TRABD2B: variants seen among roughly 807,000 people sequenced by gnomAD.
TRABD2B encodes the protein metalloprotease TIKI2.
TRABD2B carries 14 observed loss-of-function variants against 40.1 expected under a neutral mutation model. The ratio of observed to expected loss-of-function variants is 0.35; its 90% CI spans 0.23 to 0.55. The LOEUF (loss-of-function observed/expected upper bound fraction) is 0.55, where lower values mean the gene tolerates loss of function less well. Ranked by LOEUF, TRABD2B falls within the 20% of genes least tolerant of loss-of-function variation. The probability of loss-of-function intolerance (pLI) is 0.90; values close to 1 mark genes in which losing one functional copy is unlikely to be tolerated. For synonymous variants in TRABD2B, 263 were observed against 277.0 expected, an observed-to-expected ratio of 0.95 and a Z score of 0.50; for missense variants, 541 against 648.6, an observed-to-expected ratio of 0.83 and a Z score of 1.80.
intron 4 of TRABD2B, among the ~76,000 whole-genome samples, chr1:47,790,705 C>T (rs768572753): frequency 2.0e-4 from 31 of 152,336 alleles, no homozygotes; most frequent in African/African-American, 6.7e-4. Context: ...TTGAGGAAGC[C>T]GTTCATCTTC....
At chr1:47,766,693 G>A (rs1209236931) in intron 6 of TRABD2B, among the ~76,000 whole-genome samples, 1 of 152,204 alleles carries the variant, frequency 6.6e-6, no homozygotes, top group Non-Finnish European at 1.5e-5. Context: ...GGCTCAGAGA[G>A]GCTGTGTGGT....
At chr1:47,944,194 G>A (rs1645228305) in intron 2 of TRABD2B, among the ~76,000 whole-genome samples, 1 of 152,232 alleles carries the variant, frequency 6.6e-6, no homozygotes, top group Non-Finnish European at 1.5e-5. Context: ...ATTCTCAGGG[G>A]TGTGGAGAGA....
chr1:47,885,679 G>A (rs1423449638), intron 2 of TRABD2B, among the ~76,000 whole-genome samples: 2 of 152,122 alleles, frequency 1.3e-5, no homozygotes, highest in Non-Finnish European at 2.9e-5. Flanking sequence ...CTCGGTGGCC[G>A]GGACACTTGG....
At chr1:47,859,867 G>A (rs996650227) in intron 2 of TRABD2B, among the ~76,000 whole-genome samples, 3 of 152,140 alleles carry the variant, frequency 2.0e-5, no homozygotes, top group South Asian at 2.1e-4. Context: ...AACTCTTCAC[G>A]GTTAACCAAA....
intron 2 of TRABD2B, among the ~76,000 whole-genome samples, chr1:47,897,538 T>C (rs1447951599): frequency 6.6e-6 from 1 of 152,218 alleles, no homozygotes; most frequent in Non-Finnish European, 1.5e-5. Context: ...TGATGTGTTT[T>C]GGTAAAATGT....
intron 3 of TRABD2B, among the ~76,000 whole-genome samples, chr1:47,799,760 T>C (rs1296712969): frequency 6.6e-6 from 1 of 152,186 alleles, no homozygotes; most frequent in African/African-American, 2.4e-5. Context: ...CCCTTGTCTA[T>C]GGCCAACTCA....
At chr1:47,840,621 C>T (rs1051774426) in intron 2 of TRABD2B, among the ~76,000 whole-genome samples, 18 of 152,194 alleles carry the variant, frequency 1.2e-4, no homozygotes, top group African/African-American at 4.3e-4. Flanking sequence ...TGCTTCATAC[C>T]TGTTGATTAC....
intron 6 of TRABD2B, among the ~76,000 whole-genome samples, chr1:47,773,534 T>C (rs982270453): frequency 1.3e-5 from 2 of 152,254 alleles, no homozygotes; most frequent in Non-Finnish European, 2.9e-5. Flanking sequence ...ACTATTCTTG[T>C]GGCAGTGAAT....
intron 2 of TRABD2B, among the ~76,000 whole-genome samples, chr1:47,919,521 T>C (rs148853588): frequency 6.6e-6 from 1 of 152,378 alleles, no homozygotes; most frequent in East Asian, 1.9e-4. Flanking sequence ...GCTCCGCTGC[T>C]GGTTGGGTTC....
At chr1:47,960,635 C>T (rs1273921500) in intron 2 of TRABD2B, among the ~76,000 whole-genome samples, 1 of 152,058 alleles carries the variant, frequency 6.6e-6, no homozygotes, top group Non-Finnish European at 1.5e-5. Flanking sequence ...AATAAAATAC[C>T]TAGGAATCCA....
chr1:47,802,803 G>A (rs1367198257), intron 2 of TRABD2B, among the ~76,000 whole-genome samples: 2 of 152,078 alleles, frequency 1.3e-5, no homozygotes, highest in Non-Finnish European at 2.9e-5. Context: ...ATAGTTATCT[G>A]TCATGGTCCT....
intron 2 of TRABD2B, among the ~76,000 whole-genome samples, chr1:47,880,348 A>G (rs1644284884): frequency 6.6e-6 from 1 of 152,206 alleles, no homozygotes; most frequent in Admixed American, 6.5e-5. Flanking sequence ...AAAAAGATGT[A>G]AAAACAGAAA....
At chr1:47,769,637 C>T (rs1384971442) in intron 6 of TRABD2B, among the ~76,000 whole-genome samples, 1 of 152,234 alleles carries the variant, frequency 6.6e-6, no homozygotes, top group Non-Finnish European at 1.5e-5. Flanking sequence ...ATGGGGGAAA[C>T]TGTCTCATGG....
At chr1:47,971,999 AAACCTCAAGATAAGTCCAC>A in intron 2 of TRABD2B, among the ~76,000 whole-genome samples, 1 of 152,248 alleles carries the variant, frequency 6.6e-6, no homozygotes. Context: ...GAAAACAGCA[AAACCTCAAGATAAGTCCAC>A]AACCTCTAAT....
At chr1:47,767,866 T>A (rs1236918464) in intron 6 of TRABD2B, among the ~76,000 whole-genome samples, 2 of 152,194 alleles carry the variant, frequency 1.3e-5, no homozygotes, top group Non-Finnish European at 2.9e-5. Context: ...CTGGCCATAA[T>A]CACAGTGGTG....
intron 2 of TRABD2B, among the ~76,000 whole-genome samples, chr1:47,990,779 A>C (rs1358142147): frequency 2.3e-4 from 1 of 4,256 alleles, no homozygotes; most frequent in Non-Finnish European, 4.7e-4. Flanking sequence ...TTTTATATAT[A>C]TATATATATA....
At chr1:47,841,463 T>A (rs1645396154) in intron 2 of TRABD2B, among the ~76,000 whole-genome samples, 1 of 152,166 alleles carries the variant, frequency 6.6e-6, no homozygotes, top group South Asian at 2.1e-4. Flanking sequence ...CCCACCCCTA[T>A]CTTCTTTCAC....
chr1:47,800,485 T>C (rs1345632089), intron 3 of TRABD2B, among the ~76,000 whole-genome samples: 11 of 152,008 alleles, frequency 7.2e-5, no homozygotes. Context: ...GCCCAAGTGG[T>C]GTGCAGGAGG....
chr1:47,810,157 C>A lies in TRABD2B; in HGVS notation c.667-8538G>T, dbSNP rs547129720. ...TATAGGGTGTGTGTGTGTGTGTGCGCGCGCGCGCGCGCACGTGTGTGTGTT... is the reference window on the plus strand; with the variant it reads ...TATAGGGTGTGTGTGTGTGTGTGCGAGCGCGCGCGCGCACGTGTGTGTGTT... On this transcript the variant is annotated intron_variant, in intron 2 of 6. Coordinates refer to ENST00000606738, the MANE Select transcript of TRABD2B (RefSeq NM_001194986.2). Among the ~76,000 whole-genome samples the A allele has an allele frequency of 1.1e-4, 10 of 95,208 alleles. No individual in the cohort carries two copies. In the South Asian group the frequency reaches 4.5e-3, roughly 43 times the overall value. The allele number at this position is 95,208 out of a possible 152,430, so 62.5% of individuals were successfully genotyped here. A position where few individuals can be genotyped will look rare whatever the true frequency, so the allele number is the denominator to read the frequency against.
Sources: allele counts gnomAD v4.1 joint callset (sites outside exome capture counted in the v4.1 genomes callset), GRCh38; gene constraint gnomAD v4.1.1; transcripts MANE v1.5; gene names NCBI Gene and HGNC (gene_info 2026-07-23, HGNC 2026-07-21).